Variants in FAM13C observed in about 807,000 individuals in gnomAD.
The protein encoded by FAM13C is protein FAM13C.
A neutral mutation model predicts 73.2 loss-of-function variants in FAM13C; 37 were observed. The ratio of observed to expected loss-of-function variants is 0.51; its 90% CI spans 0.39 to 0.67. The LOEUF is 0.67. Among genes scored for constraint, FAM13C ranks in the 30% least tolerant of loss-of-function variants. The pLI, the probability that FAM13C is intolerant of heterozygous loss-of-function variation, is 0.00. For synonymous variants in FAM13C, 246 were observed against 260.9 expected, an observed-to-expected ratio of 0.94 and a Z score of 0.55; for missense variants, 589 against 715.6, an observed-to-expected ratio of 0.82 and a Z score of 2.02.
At chr10:59,355,506 T>G (rs1855592556) in intron 2 of FAM13C, among the ~76,000 whole-genome samples, 1 of 152,126 alleles carries the variant, frequency 6.6e-6, no homozygotes, top group African/African-American at 2.4e-5. Flanking sequence ...TGATTAGCAG[T>G]GAAGGTTTTT....
At chr10:59,306,988 T>C (rs1331629048) in intron 4 of FAM13C, among the ~76,000 whole-genome samples, 1 of 151,938 alleles carries the variant, frequency 6.6e-6, no homozygotes, top group Non-Finnish European at 1.5e-5. Context: ...GGATTCAAAG[T>C]ATGGAGTGAA....
chr10:59,295,418 G>A (rs1439365654), intron 5 of FAM13C, among the ~76,000 whole-genome samples: 1 of 152,174 alleles, frequency 6.6e-6, no homozygotes, highest in Non-Finnish European at 1.5e-5. Flanking sequence ...GAGGGGGAGT[G>A]TGACAGCCTC....
chr10:59,355,073 T>C lies in FAM13C; in HGVS notation c.119+814A>G, dbSNP rs534377923. 1.6e-3 allele frequency among the ~76,000 whole-genome samples: 246 copies of C among 152,210 alleles called. 3 individuals carry two copies. Among genetic ancestry groups the C allele is most frequent in the African/African-American group, 5.8e-3 (241 of 41,528 alleles). On this transcript the variant is annotated intron_variant, in intron 2 of 13. Coordinates refer to ENST00000618804, the MANE Select transcript of FAM13C (RefSeq NM_198215.4). ...TTGTATAATGTTCTTCAGGAATCAA[T>C]CCAAGAAAGCTCTCTGGGCTGTTTG...
Position 59,270,004 on chromosome 10 carries a change from T to C in FAM13C, c.698A>G (p.Asp233Gly). The C allele has an allele frequency of 6.2e-7, 1 of 1,614,002 alleles. No homozygotes were observed. The highest frequency in any genetic ancestry group is 2.2e-5 in the East Asian group (1 of 44,868). The change falls in exon 7 of 14, where the codon GAT becomes GGT. Residue 233 changes from aspartate to glycine, a missense_variant. Coordinates refer to ENST00000618804, the MANE Select transcript of FAM13C (RefSeq NM_198215.4). ...SRLLYHITDG[D>G]NPLLSPRCSI... Reference sequence around the variant, plus strand: ...GCATCGTGGCGACAGCAGTGGGTTATCACCATCAGTGATGTGATAGAGCAG... The same window carrying C: ...GCATCGTGGCGACAGCAGTGGGTTACCACCATCAGTGATGTGATAGAGCAG...
intron 2 of FAM13C, among the ~76,000 whole-genome samples, chr10:59,353,049 G>C (rs117276238): frequency 5.6e-4 from 85 of 152,280 alleles, no homozygotes; most frequent in Non-Finnish European, 1.0e-3. Context: ...TGATAGGCAT[G>C]GGCCAAATTT....
At chr10:59,306,009 C>T (rs758329709) in intron 4 of FAM13C, among the ~76,000 whole-genome samples, 4 of 152,210 alleles carry the variant, frequency 2.6e-5, no homozygotes, top group Non-Finnish European at 1.5e-5. Flanking sequence ...CTTTGAATGG[C>T]TCATAGTTTC....
chr10:59,322,589 TC>T lies in FAM13C; in HGVS notation c.443+1398del, dbSNP rs35116799. Among the ~76,000 whole-genome samples the T allele has an allele frequency of 2.0e-5, 3 of 152,204 alleles. No individual in the cohort carries two copies. The South Asian group carries it at 6.2e-4, about 31-fold the overall frequency. ...AGAAGGTTAATTGCTAACGCCATTT[TC>T]CCCTGTTGGTCTCTGTTAAATATCT... On this transcript the variant is annotated intron_variant, in intron 4 of 13. Transcript: ENST00000618804.
intron 5 of FAM13C, among the ~76,000 whole-genome samples, chr10:59,287,066 G>A (rs1203275516): frequency 1.3e-5 from 2 of 148,962 alleles, no homozygotes; most frequent in East Asian, 4.0e-4. Context: ...GCCAGGTGTG[G>A]TGGCTCACGC....
chr10:59,324,505 TACTC>T (rs766882455), intron 3 of FAM13C, among the ~76,000 whole-genome samples: 9 of 151,468 alleles, frequency 5.9e-5, no homozygotes, highest in South Asian at 2.1e-4. Flanking sequence ...TGTTCACACA[TACTC>T]ACACACACAC....
Position 59,355,876 on chromosome 10 carries a change from G to A in FAM13C, c.119+11C>T, listed in dbSNP as rs762055623. 3 of 1,613,566 alleles carry A rather than the reference G, an allele frequency of 1.9e-6. No homozygotes were observed. The highest frequency in any genetic ancestry group is 4.5e-5 in the East Asian group (2 of 44,870). ...TCTCACAAATATGAACCAAGCAATG[G>A]TGGCTTTTACCTGAGACTGGAGCAA... On this transcript the variant is annotated intron_variant, in intron 2 of 13. Transcript: ENST00000618804.
At chr10:59,354,544 C>T (rs904487336) in intron 2 of FAM13C, among the ~76,000 whole-genome samples, 4 of 152,120 alleles carry the variant, frequency 2.6e-5, no homozygotes, top group Admixed American at 2.0e-4. Context: ...CTCTATGATC[C>T]TCATTCATAA....
chr10:59,338,819 C>T (rs755014084), intron 3 of FAM13C, among the ~76,000 whole-genome samples: 1 of 152,212 alleles, frequency 6.6e-6, no homozygotes, highest in Non-Finnish European at 1.5e-5. Context: ...TGCCAGTTCC[C>T]CTGGAGCAGC....
At chr10:59,296,219 G>A (rs1846899072) in intron 5 of FAM13C, among the ~76,000 whole-genome samples, 1 of 152,160 alleles carries the variant, frequency 6.6e-6, no homozygotes, top group Non-Finnish European at 1.5e-5. Context: ...GACATGGTTT[G>A]ATGCCAAAAT....
intron 4 of FAM13C, among the ~76,000 whole-genome samples, chr10:59,305,946 A>G (rs1848204065): frequency 6.6e-6 from 1 of 152,246 alleles, no homozygotes; most frequent in Non-Finnish European, 1.5e-5. Flanking sequence ...CAAAACAGGC[A>G]AAAGCAGTCT....
chr10:59,361,355 A>AGGAC (rs1472868285), intron 1 of FAM13C, among the ~76,000 whole-genome samples: 1 of 152,182 alleles, frequency 6.6e-6, no homozygotes, highest in Non-Finnish European at 1.5e-5. Context: ...TCACCAAGTC[A>AGGAC]TTGTGATAGT....
At chr10:59,254,574 GTCAT>G (rs1841750248) in intron 10 of FAM13C, 131 bp from the exon 11 acceptor site, 8 of 370,278 alleles carry the variant, frequency 2.2e-5, no homozygotes, top group East Asian at 1.2e-4. Flanking sequence ...GAAAAGGAAA[GTCAT>G]TTATTTATTT....
intron 3 of FAM13C, among the ~76,000 whole-genome samples, chr10:59,343,628 G>A (rs1314116816): frequency 2.0e-5 from 3 of 152,170 alleles, no homozygotes; most frequent in East Asian, 3.9e-4. Flanking sequence ...TGTTACTTCA[G>A]GCCTGGAGCT....
chr10:59,313,573 G>A lies in FAM13C; in HGVS notation c.443+10415C>T, dbSNP rs139274533. On this transcript the variant is annotated intron_variant, in intron 4 of 13. Transcript: ENST00000618804. ...TCACATGTCCAAGTTGAGCAAGCGA[G>A]TCCAAATCACTGGAATCTCAACTGG... 3.3e-4 allele frequency among the ~76,000 whole-genome samples: 51 copies of A among 152,244 alleles called. No homozygotes were observed. In the East Asian group the frequency reaches 8.1e-3, roughly 24 times the overall value.
At chr10:59,295,310 A>T (rs972973999) in intron 5 of FAM13C, among the ~76,000 whole-genome samples, 19 of 152,228 alleles carry the variant, frequency 1.2e-4, no homozygotes, top group African/African-American at 4.6e-4. Flanking sequence ...TAAAATGCAC[A>T]GAGTTTCTTC....
Sources: allele counts gnomAD v4.1 joint callset (sites outside exome capture counted in the v4.1 genomes callset), GRCh38; gene constraint gnomAD v4.1.1; transcripts MANE v1.5; gene names NCBI Gene and HGNC (gene_info 2026-07-23, HGNC 2026-07-21).